ZNF616: variants seen among roughly 807,000 people sequenced by gnomAD.
ZNF616 encodes the protein zinc finger protein 616.
A neutral mutation model predicts 7.6 loss-of-function variants in ZNF616; 5 were observed. The observed-to-expected ratio is 0.66, with a 90% CI of 0.34 to 1.38. The LOEUF is 1.38. ZNF616 is among the 40% of genes most tolerant of loss of function. The pLI is 0.04. For missense variants in ZNF616, 913 were observed against 948.3 expected, an observed-to-expected ratio of 0.96 and a Z score of 0.49; for synonymous variants, 319 against 317.2, an observed-to-expected ratio of 1.01 and a Z score of -0.06.
chr19:52,118,592 G>C (rs1027426016), intron 3 of ZNF616, among the ~76,000 whole-genome samples: 1 of 152,174 alleles, frequency 6.6e-6, no homozygotes, highest in Non-Finnish European at 1.5e-5. Context: ...GGCTGGTTCT[G>C]ACATGTTAGA....
At chr19:52,130,189 C>T (rs917467810) in intron 2 of ZNF616, among the ~76,000 whole-genome samples, 1 of 152,198 alleles carries the variant, frequency 6.6e-6, no homozygotes, top group African/African-American at 2.4e-5. Context: ...CCTAAACAAT[C>T]CCTGCTGCCC....
At chr19:52,124,528 A>G (rs992887240) in intron 2 of ZNF616, among the ~76,000 whole-genome samples, 5 of 152,212 alleles carry the variant, frequency 3.3e-5, no homozygotes, top group Non-Finnish European at 7.3e-5. Flanking sequence ...AAATAACAAC[A>G]TGATAGCCTA....
chr19:52,130,505 G>C lies in ZNF616; in HGVS notation c.8C>G (p.Thr3Ser), dbSNP rs143690257. The C allele has an allele frequency of 6.2e-7, 1 of 1,611,744 alleles. No individual in the cohort carries two copies. The highest frequency in any genetic ancestry group is 1.3e-5 in the African/African-American group (1 of 74,868). The change falls in exon 2 of 4, where the codon ACT becomes AGT. Residue 3 changes from threonine (T) to serine (S), a missense_variant. Thr to Ser is a moderately conservative substitution (Grantham distance 58, BLOSUM62 1). Transcript: ENST00000600228. MA[T>S]QGHLTFKDVA... ...TTGAGTAAAGTATCACTCTACCTGA[G>C]TAGCCATCACTGACTCCTTTTCCTT...
At position 52,115,738 on chromosome 19, in the gene ZNF616, T is replaced by A. The variant is rs767753998; in HGVS notation, c.1426A>T (p.Ile476Leu). The change falls in exon 4 of 4, where the codon ATA becomes TTA. Residue 476 changes from isoleucine to leucine, a missense_variant. Physicochemically the swap from Ile to Leu is conservative, Grantham distance 5 (BLOSUM62 2). Coordinates refer to ENST00000600228, the MANE Select transcript of ZNF616 (RefSeq NM_178523.5). ...KCNECGKVFSIHSRLAAHQRI... is the reference protein window; with the variant it reads ...KCNECGKVFSLHSRLAAHQRI... ...TGATGAGCTGCAAGTCGTGAATGTATGCTGAAAACTTTGCCACATTCATTG... is the reference window on the plus strand; with the variant it reads ...TGATGAGCTGCAAGTCGTGAATGTAAGCTGAAAACTTTGCCACATTCATTG... 1.9e-6 allele frequency: 3 copies of A among 1,614,122 alleles called. No individual in the cohort carries two copies. Among genetic ancestry groups the A allele is most frequent in the South Asian group, 2.2e-5 (2 of 91,078 alleles).
chr19:52,124,487 A>G (rs1360602168), intron 2 of ZNF616, among the ~76,000 whole-genome samples: 3 of 152,204 alleles, frequency 2.0e-5, no homozygotes, highest in Non-Finnish European at 4.4e-5. Context: ...CGTGCTGGGC[A>G]TTATTCCAAA....
chr19:52,136,149 G>GA (rs1231519300), intron 1 of ZNF616, among the ~76,000 whole-genome samples: 1 of 145,826 alleles, frequency 6.9e-6, no homozygotes, highest in Non-Finnish European at 1.5e-5. Context: ...AAAAGCGGGG[G>GA]GGGGACAGGG....
chr19:52,119,485 G>C (rs905113079), intron 3 of ZNF616, among the ~76,000 whole-genome samples: 1 of 152,138 alleles, frequency 6.6e-6, no homozygotes, highest in Non-Finnish European at 1.5e-5. Flanking sequence ...AATAATGGGA[G>C]TGTAAAACTT....
intron 3 of ZNF616, among the ~76,000 whole-genome samples, chr19:52,123,260 A>C (rs1056024768): frequency 6.6e-5 from 10 of 152,198 alleles, no homozygotes; most frequent in African/African-American, 2.4e-4. Flanking sequence ...CACTTAAAAC[A>C]AATTATGTGG....
intron 3 of ZNF616, among the ~76,000 whole-genome samples, chr19:52,117,699 T>C (rs534445292): frequency 6.6e-6 from 1 of 152,252 alleles, no homozygotes; most frequent in Non-Finnish European, 1.5e-5. Flanking sequence ...AGACAGCATA[T>C]GATAACTAGA....
Position 52,116,254 on chromosome 19 carries a change from TC to T in ZNF616, c.909del (p.Lys304AsnfsTer42). ...AGATGGACACGCTGACTAAAGGATTTCCCACACAGATTACATTTGTAAGGTT... is the reference window on the plus strand; with the variant it reads ...AGATGGACACGCTGACTAAAGGATTTCCACACAGATTACATTTGTAAGGTT... Reference protein sequence around the residue: ...GEKPYKCNLCGKSFSQRVHLR... With the variant: ...GEKPYKCNLCXKSFSQRVHLR... On this transcript the variant is annotated frameshift_variant, in exon 4 of 4. Transcript: ENST00000600228. LOFTEE classifies it low-confidence loss of function (END_TRUNC). 6.2e-7 allele frequency: 1 copy of T among 1,614,148 alleles called. No homozygotes were observed. Among genetic ancestry groups the T allele is most frequent in the Non-Finnish European group, 8.5e-7 (1 of 1,180,018 alleles).
intron 1 of ZNF616, among the ~76,000 whole-genome samples, chr19:52,130,848 C>T (rs78874301): frequency 2.5e-3 from 382 of 152,364 alleles, no homozygotes; most frequent in African/African-American, 8.8e-3. Flanking sequence ...ATTCAGGGCA[C>T]GGACCTATCC....
intron 2 of ZNF616, among the ~76,000 whole-genome samples, chr19:52,127,202 G>A (rs2088916627): frequency 6.6e-6 from 1 of 152,050 alleles, no homozygotes; most frequent in South Asian, 2.1e-4. Flanking sequence ...TTAAAGACGT[G>A]CACCATCATG....
chr19:52,130,280 C>CA (rs1453338834), intron 2 of ZNF616, among the ~76,000 whole-genome samples: 2 of 152,156 alleles, frequency 1.3e-5, no homozygotes, highest in Non-Finnish European at 2.9e-5. Context: ...ATGCCCAGTG[C>CA]AGCCTCTTCC....
chr19:52,121,046 A>T (rs941992310), intron 3 of ZNF616, among the ~76,000 whole-genome samples: 1 of 152,228 alleles, frequency 6.6e-6, no homozygotes, highest in African/African-American at 2.4e-5. Context: ...ATTTAAAAGT[A>T]AAACTTTTTA....
Position 52,115,693 on chromosome 19 carries a change from T to A in ZNF616, c.1471A>T (p.Lys491Ter), listed in dbSNP as rs2088813872. The stretch of plus-strand genomic sequence containing the variant: ...CCACATTCATTGCATTTGTAAGGTT[T>A]CTCTCCAGTATGAATTCTCTGATGA... Reference protein sequence around the residue: ...AAHQRIHTGEKPYKCNECGKV... With the variant: ...AAHQRIHTGE Residue 491 changes from lysine to a stop codon, truncating the protein, a stop_gained, in exon 4 of 4, where the codon AAA (lysine) becomes TAA (stop). Coordinates refer to ENST00000600228, the MANE Select transcript of ZNF616 (RefSeq NM_178523.5). LOFTEE classifies it low-confidence loss of function (END_TRUNC). 1.6e-5 allele frequency: 26 copies of A among 1,614,100 alleles called. No individual in the cohort carries two copies. Among genetic ancestry groups the A allele is most frequent in the Non-Finnish European group, 2.1e-5 (25 of 1,180,038 alleles).
At position 52,116,319 on chromosome 19, in the gene ZNF616, G is replaced by T; in HGVS notation, c.845C>A (p.Ser282Tyr). ...AATTCTCTGATGAACTGCAAGGTGGGAACTTTTACTAAAGGACTTGCCACA... is the reference window on the plus strand; with the variant it reads ...AATTCTCTGATGAACTGCAAGGTGGTAACTTTTACTAAAGGACTTGCCACA... ...NECGKSFSKS[S>Y]HLAVHQRIHT... The change falls in exon 4 of 4, where the codon TCC (serine) becomes TAC (tyrosine). Residue 282 changes from serine to tyrosine, a missense_variant. Physicochemically the swap from Ser to Tyr is moderately radical, Grantham distance 144. Transcript: ENST00000600228. The T allele has an allele frequency of 6.2e-7, 1 of 1,614,144 alleles. No individual in the cohort carries two copies. Among genetic ancestry groups the T allele is most frequent in the Non-Finnish European group, 8.5e-7 (1 of 1,180,012 alleles).
At chr19:52,122,599 A>T (rs1382901175) in intron 3 of ZNF616, 2 of 152,124 alleles carry the variant, frequency 1.3e-5, no homozygotes, top group Non-Finnish European at 2.9e-5. Context: ...GTATTAAAAA[A>T]TTTCCAATGA....
chr19:52,130,798 C>T (rs1314957924), intron 1 of ZNF616, among the ~76,000 whole-genome samples: 1 of 152,232 alleles, frequency 6.6e-6, no homozygotes, highest in Non-Finnish European at 1.5e-5. Flanking sequence ...AGCCCACACA[C>T]AGGCTGCAGC....
intron 3 of ZNF616, chr19:52,122,207 C>G (rs111533255): frequency 2.0e-5 from 3 of 152,000 alleles, no homozygotes; most frequent in African/African-American, 7.3e-5. Flanking sequence ...ATGACCAGGC[C>G]GGGCGCAGTG....
Sources: allele counts gnomAD v4.1 joint callset (sites outside exome capture counted in the v4.1 genomes callset), GRCh38; gene constraint gnomAD v4.1.1; transcripts MANE v1.5; gene names NCBI Gene and HGNC (gene_info 2026-07-23, HGNC 2026-07-21).